HPSE2: variants seen among roughly 807,000 people sequenced by gnomAD.
HPSE2 encodes the protein inactive heparanase-2.
HPSE2 carries 38 observed loss-of-function variants against 60.5 expected under a neutral mutation model. The observed-to-expected ratio is 0.63, with a 90% CI of 0.48 to 0.82. HPSE2 has a LOEUF of 0.82. Among genes scored for constraint, HPSE2 ranks in the 40% least tolerant of loss-of-function variants. HPSE2 has a pLI of 0.00. For synonymous variants in HPSE2, 295 were observed against 293.2 expected (o/e 1.01, Z -0.06); for missense variants, 713 against 740.4 (o/e 0.96, Z 0.43).
At chr10:98,636,094 A>G (rs1387795776) in intron 7 of HPSE2, among the ~76,000 whole-genome samples, 1 of 152,206 alleles carries the variant, frequency 6.6e-6, no homozygotes, top group African/African-American at 2.4e-5. Context: ...TAAAAGGAAT[A>G]CATTCTAGTG....
At position 98,482,718 on chromosome 10, in the gene HPSE2, T is replaced by C. The variant is rs150817364; in HGVS notation, c.1531A>G (p.Ile511Val). The change falls in exon 11 of 12, where the codon ATC becomes GTC. Residue 511 changes from isoleucine to valine, a missense_variant. Physicochemically the swap from Ile to Val is conservative, Grantham distance 29 (BLOSUM62 3). Transcript: ENST00000370552. The part of the protein sequence containing the change: ...IINLHRSRKK[I>V]KLAGTLRDKL... ...TCTCTGAGAGTCCCAGCCAGCTTGA[T>C]TTTCTTTCTTGATCGATGCAAGTTG... The C allele has an allele frequency of 1.2e-6, 2 of 1,614,170 alleles. No homozygotes were observed. Among genetic ancestry groups the C allele is most frequent in the South Asian group, 1.1e-5 (1 of 91,086 alleles).
intron 3 of HPSE2, among the ~76,000 whole-genome samples, chr10:99,059,401 TACTTTCAA>T (rs1335516049): frequency 1.3e-5 from 2 of 152,214 alleles, no homozygotes; most frequent in Non-Finnish European, 2.9e-5. Flanking sequence ...ATTTCTTCAC[TACTTTCAA>T]ACTTTCAAAA....
chr10:98,775,344 C>T (rs1315722342), intron 3 of HPSE2, among the ~76,000 whole-genome samples: 1 of 152,138 alleles, frequency 6.6e-6, no homozygotes, highest in Admixed American at 6.6e-5. Flanking sequence ...GTCTGGAACC[C>T]CATCTTAACT....
At chr10:99,277,852 C>T in the HPSE2 span, among the ~76,000 whole-genome samples, 1 of 152,050 alleles carries the variant, frequency 6.6e-6, no homozygotes, top group Admixed American at 6.6e-5. Context: ...AATCCCAGCA[C>T]TTTGGGAGGC....
At chr10:98,533,946 A>C (rs891996273) in intron 9 of HPSE2, among the ~76,000 whole-genome samples, 1 of 152,184 alleles carries the variant, frequency 6.6e-6, no homozygotes, top group Non-Finnish European at 1.5e-5. Flanking sequence ...AGAGCAATTA[A>C]CCAGACTTTT....
chr10:98,749,460 T>C (rs1949703788), intron 3 of HPSE2, among the ~76,000 whole-genome samples: 1 of 151,358 alleles, frequency 6.6e-6, no homozygotes, highest in African/African-American at 2.4e-5. Context: ...TATGCATGCA[T>C]ATATACATAT....
At chr10:98,841,304 A>G (rs1317095330) in intron 3 of HPSE2, among the ~76,000 whole-genome samples, 1 of 152,086 alleles carries the variant, frequency 6.6e-6, no homozygotes, top group Non-Finnish European at 1.5e-5. Context: ...ACATTTACCT[A>G]TATGGTTCTT....
At chr10:99,115,422 G>A (rs1169946841) in intron 3 of HPSE2, among the ~76,000 whole-genome samples, 2 of 151,992 alleles carry the variant, frequency 1.3e-5, no homozygotes, top group Non-Finnish European at 2.9e-5. Context: ...CCAAAGTGCT[G>A]GGATTACAGG....
intron 3 of HPSE2, among the ~76,000 whole-genome samples, chr10:98,967,031 A>T (rs529974438): frequency 1.4e-3 from 218 of 152,322 alleles, no homozygotes; most frequent in Non-Finnish European, 2.8e-3. Context: ...TCCTAAGAAG[A>T]TCACCCTCTG....
At chr10:98,527,552 GCTC>G (rs767574619) in intron 9 of HPSE2, among the ~76,000 whole-genome samples, 24 of 152,134 alleles carry the variant, frequency 1.6e-4, no homozygotes, top group Non-Finnish European at 2.8e-4. Context: ...CTGCTTAAGT[GCTC>G]CTCCTCAGAG....
chr10:98,737,309 C>T (rs1949383954), intron 4 of HPSE2, among the ~76,000 whole-genome samples: 1 of 96,020 alleles, frequency 1.0e-5, no homozygotes, highest in African/African-American at 3.5e-5. Context: ...AATTCCCTGG[C>T]AAGATGGCCA....
intron 3 of HPSE2, among the ~76,000 whole-genome samples, chr10:98,983,670 G>A (rs1236108007): frequency 2.0e-5 from 3 of 152,128 alleles, no homozygotes; most frequent in African/African-American, 4.8e-5. Context: ...CTCAAACTTC[G>A]GCGTGAGCCA....
intron 3 of HPSE2, among the ~76,000 whole-genome samples, chr10:99,021,906 T>C (rs1389367314): frequency 6.6e-6 from 1 of 151,840 alleles, no homozygotes; most frequent in Non-Finnish European, 1.5e-5. Context: ...ATTATTATTA[T>C]TATACTTTAA....
chr10:98,649,672 G>A (rs1048062850), intron 6 of HPSE2, among the ~76,000 whole-genome samples: 62 of 152,218 alleles, frequency 4.1e-4, no homozygotes, highest in African/African-American at 1.4e-3. Context: ...AGCAAAAACC[G>A]GGGTAGATAA....
intron 9 of HPSE2, among the ~76,000 whole-genome samples, chr10:98,515,039 A>G (rs575260749): frequency 2.4e-4 from 37 of 152,170 alleles, no homozygotes; most frequent in African/African-American, 8.9e-4. Context: ...TATACTGTTT[A>G]CTTAGGTTCC....
chr10:99,050,759 A>T (rs567980464), intron 3 of HPSE2, among the ~76,000 whole-genome samples: 1 of 152,340 alleles, frequency 6.6e-6, no homozygotes, highest in Admixed American at 6.5e-5. Context: ...TAAGCCAGGC[A>T]TGGGAAGACA....
At chr10:98,878,893 A>C (rs572842412) in intron 3 of HPSE2, among the ~76,000 whole-genome samples, 1 of 152,110 alleles carries the variant, frequency 6.6e-6, no homozygotes, top group East Asian at 1.9e-4. Context: ...TTACAGTATA[A>C]AGATGAGTGA....
intron 3 of HPSE2, among the ~76,000 whole-genome samples, chr10:98,854,795 A>G (rs1208693290): frequency 6.6e-6 from 1 of 152,218 alleles, no homozygotes; most frequent in Non-Finnish European, 1.5e-5. Context: ...GTACTTGTAG[A>G]TTTAGTTTTA....
intron 4 of HPSE2, among the ~76,000 whole-genome samples, chr10:98,742,130 C>T (rs567926601): frequency 2.0e-5 from 3 of 152,156 alleles, no homozygotes; most frequent in East Asian, 1.9e-4. Flanking sequence ...GTCTGGAATA[C>T]GAAAAACTTC....
Sources: allele counts gnomAD v4.1 joint callset (sites outside exome capture counted in the v4.1 genomes callset), GRCh38; gene constraint gnomAD v4.1.1; transcripts MANE v1.5; gene names NCBI Gene and HGNC (gene_info 2026-07-23, HGNC 2026-07-21).